The following EXOC6B variants were observed in gnomAD, a reference collection of about 807,000 sequenced individuals.
EXOC6B encodes the protein SEC15 homolog B.
Under a neutral mutation model 113.5 loss-of-function variants are expected in EXOC6B, and 54 were observed. The ratio of observed to expected loss-of-function variants is 0.48; its 90% CI spans 0.38 to 0.60. The LOEUF (loss-of-function observed/expected upper bound fraction) is 0.60. Among genes scored for constraint, EXOC6B ranks in the 20% least tolerant of loss-of-function variants. The pLI is 0.00. For synonymous variants in EXOC6B, 357 were observed against 339.0 expected (o/e 1.05, Z -0.58); for missense variants, 797 against 977.5 (o/e 0.82, Z 2.46).
intron 6 of EXOC6B, among the ~76,000 whole-genome samples, chr2:72,707,193 T>C (rs1309438610): frequency 1.3e-5 from 2 of 152,210 alleles, no homozygotes; most frequent in African/African-American, 4.8e-5. Flanking sequence ...TTTTAGCTAC[T>C]AAGTTTTATG....
intron 18 of EXOC6B, among the ~76,000 whole-genome samples, chr2:72,437,851 T>C (rs1695967643): frequency 6.6e-6 from 1 of 152,182 alleles, no homozygotes; most frequent in African/African-American, 2.4e-5. Flanking sequence ...CTAGAGTAAA[T>C]CTATTTAGCA....
At position 72,476,068 on chromosome 2, in the gene EXOC6B, A is replaced by G. The variant is rs557027153; in HGVS notation, c.1800+4548T>C. Reference sequence around the variant, plus strand: ...GCTATAGCTGCTTAGGTCTCATGGAATGTGTGTGACCTGGTGTGAGCTCCT... The same window carrying G: ...GCTATAGCTGCTTAGGTCTCATGGAGTGTGTGTGACCTGGTGTGAGCTCCT... On this transcript the variant is annotated intron_variant, in intron 17 of 21. Transcript: ENST00000272427. Among the ~76,000 whole-genome samples, 6 of 152,252 alleles carry G rather than the reference A, an allele frequency of 3.9e-5. No individual in the cohort carries two copies. The South Asian group carries it at 1.2e-3, about 32-fold the overall frequency.
At chr2:72,695,927 T>G (rs1677840066) in intron 6 of EXOC6B, among the ~76,000 whole-genome samples, 1 of 152,176 alleles carries the variant, frequency 6.6e-6, no homozygotes, top group Admixed American at 6.5e-5. Context: ...CAATACCACT[T>G]GTGGCACTTA....
chr2:72,493,549 T>C (rs1699875810), intron 15 of EXOC6B, among the ~76,000 whole-genome samples: 1 of 152,084 alleles, frequency 6.6e-6, no homozygotes, highest in Non-Finnish European at 1.5e-5. Flanking sequence ...CTGTTCTTTA[T>C]CGCCTGAATT....
intron 20 of EXOC6B, among the ~76,000 whole-genome samples, chr2:72,248,211 T>G (rs1006622073): frequency 1.3e-5 from 2 of 152,204 alleles, no homozygotes; most frequent in African/African-American, 4.8e-5. Context: ...AAATTCCATG[T>G]CCCATGACAG....
chr2:72,269,700 A>G (rs1159896444), intron 20 of EXOC6B, among the ~76,000 whole-genome samples: 1 of 152,172 alleles, frequency 6.6e-6, no homozygotes, highest in Admixed American at 6.5e-5. Flanking sequence ...TGGTTCAGCC[A>G]CTTAGTGTCA....
In EXOC6B at chr2:72,571,037, A is replaced by G. The variant is rs1296679384; in HGVS notation, c.846+4455T>C. On this transcript the variant is annotated intron_variant, in intron 7 of 21. Transcript: ENST00000272427. ...ATTATCACCCTCCTTCTCAAAACTA[A>G]TATGTTATCTTGAGGGCTTCCTTGC... is the stretch of plus-strand genomic sequence containing the variant. Among the ~76,000 whole-genome samples, 4 of 152,120 alleles carry G rather than the reference A, an allele frequency of 2.6e-5. No homozygotes were observed. In the East Asian group the frequency reaches 7.7e-4, roughly 29 times the overall value.
intron 18 of EXOC6B, among the ~76,000 whole-genome samples, chr2:72,416,599 T>G (rs1694539327): frequency 6.6e-6 from 1 of 152,196 alleles, no homozygotes; most frequent in Non-Finnish European, 1.5e-5. Flanking sequence ...CTGGGAAACA[T>G]TCTTTAATTG....
At chr2:72,733,720 A>G (rs1680781212) in intron 2 of EXOC6B, among the ~76,000 whole-genome samples, 1 of 152,238 alleles carries the variant, frequency 6.6e-6, no homozygotes. Context: ...AGGAAATGGC[A>G]TCTACTTTTT....
chr2:72,486,787 G>C (rs72845175), intron 16 of EXOC6B, among the ~76,000 whole-genome samples: 36,188 of 151,416 alleles, frequency 0.24, 7,270 homozygotes, highest in African/African-American at 0.55. Context: ...CTCCCTTTCT[G>C]CTACATCACC....
intron 17 of EXOC6B, among the ~76,000 whole-genome samples, chr2:72,474,991 C>T (rs995825634): frequency 5.1e-4 from 78 of 152,174 alleles, no homozygotes; most frequent in African/African-American, 1.7e-3. Flanking sequence ...GTAGTGTAAA[C>T]TCTGTACGAT....
At position 72,260,097 on chromosome 2, in the gene EXOC6B, A is replaced by AAGAG. The variant is rs545198888; in HGVS notation, c.2196+74846_2196+74849dup. ...AGACAGAGAGAGAGAGAGAAAAAGG[A>AAGAG]AGAGAGAAAGAAAGAAAATGTAGCA... is the stretch of plus-strand genomic sequence containing the variant. On this transcript the variant is annotated intron_variant, in intron 20 of 21. Transcript: ENST00000272427. 1.2e-3 allele frequency among the ~76,000 whole-genome samples: 180 copies of AAGAG among 152,212 alleles called. 1 individual carries two copies. Among genetic ancestry groups the AAGAG allele is most frequent in the African/African-American group, 4.2e-3 (173 of 41,540 alleles).
intron 18 of EXOC6B, among the ~76,000 whole-genome samples, chr2:72,407,574 A>G (rs1320864247): frequency 6.6e-6 from 1 of 152,198 alleles, no homozygotes; most frequent in Non-Finnish European, 1.5e-5. Context: ...GCAAATCAAT[A>G]AACGCAATCC....
At chr2:72,399,008 A>AG (rs1413938145) in intron 18 of EXOC6B, among the ~76,000 whole-genome samples, 13 of 123,462 alleles carry the variant, frequency 1.1e-4, no homozygotes, top group Non-Finnish European at 1.7e-4. Flanking sequence ...GCAGTGAAAA[A>AG]GAAAAAAAAA....
At chr2:72,520,469 T>C (rs1200235938) in intron 8 of EXOC6B, among the ~76,000 whole-genome samples, 8 of 152,360 alleles carry the variant, frequency 5.3e-5, no homozygotes, top group Admixed American at 5.2e-4. Context: ...TCACATTTCT[T>C]CTGGATTTTT....
intron 6 of EXOC6B, among the ~76,000 whole-genome samples, chr2:72,710,993 A>G (rs1679240298): frequency 6.6e-6 from 1 of 152,244 alleles, no homozygotes; most frequent in African/African-American, 2.4e-5. Flanking sequence ...GCTCACACAG[A>G]AATCAGCCTA....
chr2:72,792,342 C>T (rs1415896357), intron 1 of EXOC6B, among the ~76,000 whole-genome samples: 4 of 152,030 alleles, frequency 2.6e-5, no homozygotes, highest in South Asian at 2.1e-4. Context: ...GAGTTAACTC[C>T]GCTTATCCTA....
intron 7 of EXOC6B, 124 bp downstream of exon 7, chr2:72,575,368 A>G (rs1704767414): frequency 2.6e-6 from 2 of 783,928 alleles, no homozygotes; most frequent in East Asian, 3.2e-5. Context: ...TTTGTATTCA[A>G]AATGGTATTT....
At chr2:72,440,094 A>G (rs2105327549) in intron 18 of EXOC6B, among the ~76,000 whole-genome samples, 1 of 152,198 alleles carries the variant, frequency 6.6e-6, no homozygotes, top group South Asian at 2.1e-4. Context: ...GGCCAGCCCA[A>G]ACGCACCTGT....
Sources: allele counts gnomAD v4.1 joint callset (sites outside exome capture counted in the v4.1 genomes callset), GRCh38; gene constraint gnomAD v4.1.1; transcripts MANE v1.5; gene names NCBI Gene and HGNC (gene_info 2026-07-23, HGNC 2026-07-21).